Variants in GRID2 observed in about 807,000 individuals in gnomAD.
GRID2 encodes the protein glutamate receptor ionotropic, delta-2.
Under a neutral mutation model 114.8 loss-of-function variants are expected in GRID2, and 33 were observed. The ratio of observed to expected loss-of-function variants is 0.29; its 90% confidence interval spans 0.22 to 0.38. GRID2 has a LOEUF of 0.38. Among genes scored for constraint, GRID2 ranks in the 10% least tolerant of loss-of-function variants. The pLI, the probability that GRID2 is intolerant of heterozygous loss-of-function variation, is 1.00. For synonymous variants in GRID2, 505 were observed against 449.9 expected (o/e 1.12, Z -1.55); for missense variants, 1,184 against 1,257.7 (o/e 0.94, Z 0.89).
chr4:92,931,851 C>T (rs927633772), intron 2 of GRID2, among the ~76,000 whole-genome samples: 4 of 150,902 alleles, frequency 2.7e-5, no homozygotes, highest in Admixed American at 2.0e-4. Context: ...GACAAAAACA[C>T]TCAGGCAACT....
chr4:92,729,699 A>G (rs1736238678), intron 2 of GRID2, among the ~76,000 whole-genome samples: 2 of 152,044 alleles, frequency 1.3e-5, no homozygotes, highest in African/African-American at 4.8e-5. Flanking sequence ...TCATGGGGAA[A>G]AAATGTAAGC....
At chr4:93,266,148 T>G (rs1408557481) in intron 8 of GRID2, among the ~76,000 whole-genome samples, 7 of 152,126 alleles carry the variant, frequency 4.6e-5, no homozygotes, top group Non-Finnish European at 8.8e-5. Context: ...GAAACGAATA[T>G]TCAGAGAAAA....
At chr4:93,156,110 C>T (rs1737162850) in intron 4 of GRID2, among the ~76,000 whole-genome samples, 1 of 150,676 alleles carries the variant, frequency 6.6e-6, no homozygotes, top group Admixed American at 6.6e-5. Context: ...TGTTACATAC[C>T]CATAATAATT....
At chr4:92,856,622 G>A (rs1340925280) in intron 2 of GRID2, among the ~76,000 whole-genome samples, 2 of 151,994 alleles carry the variant, frequency 1.3e-5, no homozygotes, top group Admixed American at 1.3e-4. Context: ...TTCACTTAAG[G>A]TTTTTCCACT....
intron 2 of GRID2, among the ~76,000 whole-genome samples, chr4:92,966,124 C>G (rs1419252540): frequency 6.6e-6 from 1 of 151,906 alleles, no homozygotes; most frequent in African/African-American, 2.4e-5. Context: ...CTATGCAAGA[C>G]ATTCTGACAG....
At chr4:92,949,374 A>C (rs543892438) in intron 2 of GRID2, among the ~76,000 whole-genome samples, 1 of 152,082 alleles carries the variant, frequency 6.6e-6, no homozygotes, top group Non-Finnish European at 1.5e-5. Context: ...GGTTAGTTAC[A>C]TATGTATACA....
At chr4:92,949,132 ATGTGTGTGTGTGTGTGTGTC>A (rs1751850209) in intron 2 of GRID2, among the ~76,000 whole-genome samples, 1 of 149,310 alleles carries the variant, frequency 6.7e-6, no homozygotes, top group Non-Finnish European at 1.5e-5. Flanking sequence ...GACAAAGAAA[ATGTGTGTGTGTGTGTGTGTC>A]TGTGTGTGTG....
In GRID2 at chr4:92,469,281, G is replaced by T. The variant is rs375497340; in HGVS notation, c.89-120850G>T. On this transcript the variant is annotated intron_variant, in intron 1 of 15. Coordinates refer to ENST00000282020, the MANE Select transcript of GRID2 (RefSeq NM_001510.4). ...AAAGATAACTTCCACTTCCTGTATT[G>T]CAACAATCCAATGAGAATGAAGAAG... 5.9e-5 allele frequency among the ~76,000 whole-genome samples: 9 copies of T among 152,032 alleles called. No homozygotes were observed. The East Asian group carries it at 1.5e-3, about 26-fold the overall frequency.
intron 1 of GRID2, among the ~76,000 whole-genome samples, chr4:92,366,306 GGT>G (rs1323646006): frequency 6.6e-6 from 1 of 151,888 alleles, no homozygotes; most frequent in Non-Finnish European, 1.5e-5. Flanking sequence ...CAGATAGAAT[GGT>G]GTAAGATCTC....
intron 1 of GRID2, among the ~76,000 whole-genome samples, chr4:92,568,240 T>C (rs1275585467): frequency 6.6e-6 from 1 of 152,020 alleles, no homozygotes; most frequent in Non-Finnish European, 1.5e-5. Context: ...TGGATGTCAG[T>C]GAGGAAGAGG....
intron 1 of GRID2, among the ~76,000 whole-genome samples, chr4:92,454,326 G>A (rs1191118739): frequency 6.6e-6 from 1 of 151,980 alleles, no homozygotes; most frequent in African/African-American, 2.4e-5. Flanking sequence ...ATGAAAATGA[G>A]CATTATGCAT....
intron 2 of GRID2, among the ~76,000 whole-genome samples, chr4:92,709,589 A>ATATATATAT (rs1553919234): frequency 1.0e-3 from 115 of 114,626 alleles, no homozygotes; most frequent in South Asian, 4.5e-3. Flanking sequence ...AAAAAAAAAA[A>ATATATATAT]ATATATATAT....
intron 2 of GRID2, among the ~76,000 whole-genome samples, chr4:92,975,156 C>CAAAAAAAAAAAAAA (rs527770693): frequency 0.034 from 1,565 of 46,608 alleles, 358 homozygotes; most frequent in African/African-American, 0.046. Context: ...GATTCCGCCT[C>CAAAAAAAAAAAAAA]AAAAAAAAAA....
At chr4:92,898,102 A>G (rs1747301224) in intron 2 of GRID2, among the ~76,000 whole-genome samples, 1 of 152,210 alleles carries the variant, frequency 6.6e-6, no homozygotes, top group Non-Finnish European at 1.5e-5. Context: ...ATTATTTTTC[A>G]TATATTCTAG....
At chr4:93,383,694 A>G (rs1420876328) in intron 8 of GRID2, among the ~76,000 whole-genome samples, 1 of 152,114 alleles carries the variant, frequency 6.6e-6, no homozygotes, top group Non-Finnish European at 1.5e-5. Flanking sequence ...GCTGTGAGAA[A>G]TGTCCTCTGG....
At chr4:92,515,846 C>T (rs913449885) in intron 1 of GRID2, among the ~76,000 whole-genome samples, 3 of 151,870 alleles carry the variant, frequency 2.0e-5, no homozygotes, top group Admixed American at 1.3e-4. Flanking sequence ...TGACTTTCTA[C>T]GAAGGCAAAT....
At chr4:93,458,772 CAA>C (rs1346411110) in intron 11 of GRID2, among the ~76,000 whole-genome samples, 10 of 152,046 alleles carry the variant, frequency 6.6e-5, no homozygotes, top group Admixed American at 2.0e-4. Context: ...AAAGGGATAA[CAA>C]GACAAATGAT....
intron 2 of GRID2, among the ~76,000 whole-genome samples, chr4:92,911,863 G>C (rs910757105): frequency 2.0e-5 from 3 of 151,398 alleles, no homozygotes; most frequent in African/African-American, 4.8e-5. Context: ...ATCCCTTGTG[G>C]TATTAATTCT....
chr4:93,707,277 G>A lies in GRID2; in HGVS notation c.2361-61933G>A, dbSNP rs578103805. Among the ~76,000 whole-genome samples the A allele has an allele frequency of 6.3e-4, 96 of 152,152 alleles. 1 individual carries two copies. Among genetic ancestry groups the A allele is most frequent in the Non-Finnish European group, 1.1e-3 (76 of 67,940 alleles). ...TTTTGGAGTACTTTGAGAAAAATTG[G>A]TATTAGTATTTCTTTAAGTGTTTGA... On this transcript the variant is annotated intron_variant, in intron 14 of 15. Transcript: ENST00000282020.
Sources: gnomAD v4.1 joint callset for allele counts (sites outside exome capture counted in the v4.1 genomes callset) on GRCh38, gnomAD v4.1.1 for gene constraint, MANE v1.5 for transcripts, NCBI Gene and HGNC (gene_info 2026-07-23, HGNC 2026-07-21) for gene names.